DPP6: variants seen among roughly 807,000 people sequenced by gnomAD.
DPP6 encodes A-type potassium channel modulatory protein DPP6.
In DPP6, 69 loss-of-function variants were observed where a neutral mutation model predicts 122.6. The ratio of observed to expected loss-of-function variants is 0.56; its 90% CI spans 0.46 to 0.69. DPP6 has a LOEUF of 0.69. Ranked by LOEUF, DPP6 falls within the 30% of genes least tolerant of loss-of-function variation. The probability of loss-of-function intolerance (pLI) is 0.00; values close to 1 mark genes in which losing one functional copy is unlikely to be tolerated. For synonymous variants in DPP6, 418 were observed against 433.1 expected (o/e 0.97, Z 0.43); for missense variants, 928 against 1,116.9 (o/e 0.83, Z 2.41).
chr7:154,407,872 A>G (rs540611253), intron 1 of DPP6, among the ~76,000 whole-genome samples: 1 of 152,316 alleles, frequency 6.6e-6, no homozygotes, highest in South Asian at 2.1e-4. Context: ...AGGATTCTCC[A>G]TCAGGACTGC....
At chr7:153,881,936 TTTG>T in the DPP6 span, among the ~76,000 whole-genome samples, 5 of 152,220 alleles carry the variant, frequency 3.3e-5, no homozygotes, top group Non-Finnish European at 7.3e-5. Flanking sequence ...TACAATTATT[TTTG>T]TTGTTGTCCA....
At chr7:154,010,156 C>T (rs928901142) in intron 1 of DPP6, among the ~76,000 whole-genome samples, 1 of 152,208 alleles carries the variant, frequency 6.6e-6, no homozygotes, top group African/African-American at 2.4e-5. Context: ...AACCCGGATT[C>T]TTGTCTTTAG....
rs1349644503 is a variant in DPP6 at position 154,222,623 on chromosome 7, C to G, written c.243+169560C>G. On this transcript the variant is annotated intron_variant, in intron 1 of 25. Coordinates refer to ENST00000377770, the MANE Select transcript of DPP6 (RefSeq NM_130797.4). ...TGAGCCGAGATCACACCATTGTACT[C>G]CAGCCTGGGCAACAAGAGTGAAACT... Among the ~76,000 whole-genome samples the G allele has an allele frequency of 2.0e-5, 3 of 149,150 alleles. 1 individual carries two copies. The highest frequency in any genetic ancestry group is 5.1e-5 in the African/African-American group (2 of 39,102).
rs1480233186 is a variant in DPP6, at chr7:154,755,947, TG to T, written c.884-13467del. On this transcript the variant is annotated intron_variant, in intron 8 of 25. Coordinates refer to ENST00000377770, the MANE Select transcript of DPP6 (RefSeq NM_130797.4). This position sits in a 1 kb window ranked among gnomAD's most constrained non-coding sequence, Gnocchi z 4.7. ...AAAGGAAGAGTGGCGAGGACTTGAGTGGGACTGTTGGGTTGTTGTGTTGCAG... is the reference window on the plus strand; with the variant it reads ...AAAGGAAGAGTGGCGAGGACTTGAGTGGACTGTTGGGTTGTTGTGTTGCAG... Among the ~76,000 whole-genome samples, 1 of 152,112 alleles carries T rather than the reference TG, an allele frequency of 6.6e-6. No individual in the cohort carries two copies. The highest frequency in any genetic ancestry group is 2.4e-5 in the African/African-American group (1 of 41,410).
intron 1 of DPP6, among the ~76,000 whole-genome samples, chr7:154,251,115 TG>T (rs1651310977): frequency 6.6e-6 from 1 of 152,242 alleles, no homozygotes; most frequent in Non-Finnish European, 1.5e-5. Context: ...ACTGCGGGAA[TG>T]CTGTTATTTT....
chr7:153,829,661 G>A, the DPP6 span, among the ~76,000 whole-genome samples: 1 of 152,148 alleles, frequency 6.6e-6, no homozygotes, highest in African/African-American at 2.4e-5. Context: ...TGAGAATACA[G>A]CTGTGAGGAA....
In DPP6 at chr7:154,403,290, A is replaced by T. The variant is rs971759143; in HGVS notation, c.244-42924A>T. On this transcript the variant is annotated intron_variant, in intron 1 of 25. Transcript: ENST00000377770. The surrounding 1 kb of genome is among the most constrained non-coding windows in gnomAD (Gnocchi z 4.1). ...TGACTATGCAGGAGGTTGCTGTGTG[A>T]TAGAGTGCGGGGGAATCAGGACACC... is the stretch of plus-strand genomic sequence containing the variant. 1.3e-5 allele frequency among the ~76,000 whole-genome samples: 2 copies of T among 152,170 alleles called. No homozygotes were observed. The highest frequency in any genetic ancestry group is 4.8e-5 in the African/African-American group (2 of 41,448).
chr7:154,568,174 C>G (rs1336278911), intron 5 of DPP6, among the ~76,000 whole-genome samples: 1 of 152,234 alleles, frequency 6.6e-6, no homozygotes, highest in Non-Finnish European at 1.5e-5. Flanking sequence ...GCCTCAGGCA[C>G]CTGGATGTGA....
intron 1 of DPP6, among the ~76,000 whole-genome samples, chr7:154,076,598 AAG>A (rs1339187867): frequency 6.6e-6 from 1 of 150,416 alleles, no homozygotes; most frequent in African/African-American, 2.5e-5. Flanking sequence ...TGAAAATGAA[AAG>A]AAAATGGGGA....
At position 154,875,836 on chromosome 7, in the gene DPP6, C is replaced by T. The variant is rs1804799837; in HGVS notation, c.1884-70C>T. The T allele has an allele frequency of 6.5e-6, 10 of 1,541,790 alleles. No homozygotes were observed. Among genetic ancestry groups the T allele is most frequent in the African/African-American group, 2.7e-5 (2 of 73,144 alleles). On this transcript the variant is annotated intron_variant, in intron 19 of 25. Transcript: ENST00000377770. The surrounding 1 kb of genome is among the most constrained non-coding windows in gnomAD (Gnocchi z 4.5). ...AAAATCCCTTACGGGGGTCATCTGA[C>T]GTGGCAGCTGCTAGACCAGCCGCCA...
At chr7:154,113,394 CAT>C (rs143477890) in intron 1 of DPP6, among the ~76,000 whole-genome samples, 2,429 of 139,642 alleles carry the variant, frequency 0.017, 19 homozygotes, top group East Asian at 0.051. Flanking sequence ...TGTTTTCCTA[CAT>C]ATATATATAT....
intron 7 of DPP6, among the ~76,000 whole-genome samples, chr7:154,703,658 C>T (rs1840652678): frequency 6.6e-6 from 1 of 150,858 alleles, no homozygotes; most frequent in Non-Finnish European, 1.5e-5. Context: ...ATTTCATAGG[C>T]TGGGCATGGT....
At chr7:154,248,510 G>T (rs1280950504) in intron 1 of DPP6, among the ~76,000 whole-genome samples, 1 of 152,172 alleles carries the variant, frequency 6.6e-6, no homozygotes, top group East Asian at 1.9e-4. Context: ...AATGTCTTCT[G>T]TCTTAATTGG....
chr7:153,974,544 A>T (rs1438460991), intron 1 of DPP6, among the ~76,000 whole-genome samples: 1 of 152,124 alleles, frequency 6.6e-6, no homozygotes, highest in Non-Finnish European at 1.5e-5. Flanking sequence ...GGGGAACAGA[A>T]AAAGTCAAAT....
At chr7:154,788,362 T>A (rs1330443615) in intron 10 of DPP6, among the ~76,000 whole-genome samples, 1 of 151,934 alleles carries the variant, frequency 6.6e-6, no homozygotes, top group African/African-American at 2.4e-5. Context: ...GACAATCGCT[T>A]GAACCCAGGA....
the DPP6 span, among the ~76,000 whole-genome samples, chr7:153,816,844 C>T: frequency 6.6e-5 from 10 of 152,016 alleles, no homozygotes; most frequent in Non-Finnish European, 4.4e-5. Context: ...ATTTGTGGAA[C>T]GGATGCAAGG....
Position 154,755,199 on chromosome 7 carries a change from C to T in DPP6, c.884-14218C>T, listed in dbSNP as rs981615447. ...CACATGTCAGGAGCTGAATTTAAAA[C>T]AATGTTTTGGTCAGTACCAGGACAC... On this transcript the variant is annotated intron_variant, in intron 8 of 25. Coordinates refer to ENST00000377770, the MANE Select transcript of DPP6 (RefSeq NM_130797.4). The surrounding 1 kb of genome is among the most constrained non-coding windows in gnomAD (Gnocchi z 4.7). Among the ~76,000 whole-genome samples the T allele has an allele frequency of 4.3e-5, 6 of 140,832 alleles. No individual in the cohort carries two copies. The highest frequency in any genetic ancestry group is 9.3e-5 in the Non-Finnish European group (6 of 64,522). The allele number at this position is 140,832 out of a possible 152,430, so 92.4% of individuals were successfully genotyped here. A position where few individuals can be genotyped will look rare whatever the true frequency, so the allele number is the denominator to read the frequency against.
chr7:154,184,834 C>G (rs758230686), intron 1 of DPP6, among the ~76,000 whole-genome samples: 6 of 152,150 alleles, frequency 3.9e-5, no homozygotes, highest in Non-Finnish European at 8.8e-5. Context: ...GCAGCAGAAG[C>G]AATCAGCAGC....
rs1392982237 is a variant in DPP6 at position 154,016,502 on chromosome 7, C to A, written c.51+128768C>A. 2.6e-5 allele frequency among the ~76,000 whole-genome samples: 4 copies of A among 151,656 alleles called. No homozygotes were observed. The East Asian group carries it at 5.9e-4, about 22-fold the overall frequency. The stretch of plus-strand genomic sequence containing the variant: ...GAGGATCTGGGCATGGTGGCTCACA[C>A]ATGTAATCCCAGCACTTTGTGAGGC... On this transcript the variant is annotated intron_variant, in intron 1 of 25. Coordinates refer to the DPP6 transcript ENST00000404039.
Sources: gnomAD v4.1 joint callset for allele counts (sites outside exome capture counted in the v4.1 genomes callset) on GRCh38, gnomAD v4.1.1 for gene constraint, Gnocchi (gnomAD v3.1) non-coding constraint, MANE v1.5 for transcripts, NCBI Gene and HGNC (gene_info 2026-07-23, HGNC 2026-07-21) for gene names.